Variants in SMC6 observed in about 807,000 individuals in gnomAD.
The protein encoded by SMC6 is structural maintenance of chromosomes 6.
In SMC6, 79 loss-of-function variants were observed where a neutral mutation model predicts 142.2. The observed-to-expected ratio is 0.56, with a 90% CI of 0.46 to 0.67. The LOEUF (loss-of-function observed/expected upper bound fraction) is 0.67. SMC6 is among the 30% of genes least tolerant of loss of function. The pLI is 0.00. For synonymous variants in SMC6, 411 were observed against 412.4 expected, an observed-to-expected ratio of 1.00 and a Z score of 0.04; for missense variants, 1,072 against 1,284.0, an observed-to-expected ratio of 0.83 and a Z score of 2.52.
intron 25 of SMC6, among the ~76,000 whole-genome samples, chr2:17,676,578 A>G (rs1456505252): frequency 6.6e-6 from 1 of 152,140 alleles, no homozygotes; most frequent in Non-Finnish European, 1.5e-5. Flanking sequence ...AATTTCTACA[A>G]AAACGTCTGC....
intron 23 of SMC6, among the ~76,000 whole-genome samples, chr2:17,685,624 C>T (rs958096824): frequency 4.6e-5 from 7 of 151,054 alleles, no homozygotes; most frequent in Admixed American, 4.6e-4. Context: ...CACAGATATA[C>T]AAAAATGGAC....
intron 9 of SMC6, among the ~76,000 whole-genome samples, chr2:17,721,536 T>A (rs1432106306): frequency 6.6e-6 from 1 of 152,076 alleles, no homozygotes; most frequent in Non-Finnish European, 1.5e-5. Flanking sequence ...TATAGAGAAA[T>A]CCCAAAACTC....
chr2:17,672,597 C>T (rs1338896927), intron 25 of SMC6, among the ~76,000 whole-genome samples: 1 of 152,160 alleles, frequency 6.6e-6, no homozygotes, highest in Non-Finnish European at 1.5e-5. Flanking sequence ...GAAAAGGTAA[C>T]TATTATTCTG....
At chr2:17,737,103 T>G (rs1446749190) in intron 5 of SMC6, among the ~76,000 whole-genome samples, 2 of 152,150 alleles carry the variant, frequency 1.3e-5, no homozygotes, top group African/African-American at 4.8e-5. Context: ...TCAAATAGTT[T>G]TTTCCCAAGG....
At position 17,666,305 on chromosome 2, in the gene SMC6, A is replaced by G. The variant is rs1666494134; in HGVS notation, c.3161+115T>C. 12 of 713,840 alleles carry G rather than the reference A, an allele frequency of 1.7e-5. No homozygotes were observed. In the South Asian group the frequency reaches 2.5e-4, roughly 15 times the overall value. 44.2% of individuals were successfully genotyped at this position (713,840 alleles called of 1,614,324 possible). On this transcript the variant is annotated intron_variant, in intron 27 of 27. Transcript: ENST00000448223. The stretch of plus-strand genomic sequence containing the variant: ...AATCTCCTGAACCAGTAGGGGAGCT[A>G]ATTTTTATTTTCATTGGTCTTGTAT...
At chr2:17,716,566 C>T (rs936894877) in intron 14 of SMC6, among the ~76,000 whole-genome samples, 175 bp downstream of exon 14, 1 of 152,162 alleles carries the variant, frequency 6.6e-6, no homozygotes. Context: ...GCTGTAGGTG[C>T]ACTGCCAATG....
intron 16 of SMC6, 138 bp downstream of exon 16, chr2:17,714,723 G>A (rs1668995548): frequency 4.7e-6 from 4 of 854,356 alleles, no homozygotes; most frequent in Non-Finnish European, 7.3e-6. Flanking sequence ...CTAATACCTA[G>A]ACAGAAATTA....
chr2:17,710,774 T>C (rs986587632), intron 16 of SMC6, among the ~76,000 whole-genome samples: 1 of 152,150 alleles, frequency 6.6e-6, no homozygotes. Flanking sequence ...AGAGCTGTTT[T>C]GGTATGTGGT....
rs769358063 is a variant in SMC6 at position 17,721,277 on chromosome 2, C to G, written c.727-16G>C. The G allele has an allele frequency of 6.4e-7, 1 of 1,557,754 alleles. No individual in the cohort carries two copies. Among genetic ancestry groups the G allele is most frequent in the East Asian group, 2.3e-5 (1 of 44,006 alleles). ...CAGTAAGCCGCTTAAAAAAAGAAAACAGAACGGACGTATTTTTTATTAATG... is the reference window on the plus strand; with the variant it reads ...CAGTAAGCCGCTTAAAAAAAGAAAAGAGAACGGACGTATTTTTTATTAATG... On this transcript the variant is annotated splice_polypyrimidine_tract_variant and intron_variant, in intron 9 of 27. Transcript: ENST00000448223.
intron 18 of SMC6, among the ~76,000 whole-genome samples, chr2:17,703,760 G>A (rs1258905182): frequency 6.6e-6 from 1 of 151,838 alleles, no homozygotes; most frequent in Non-Finnish European, 1.5e-5. Context: ...TAACTGTATT[G>A]TAAGAATATA....
chr2:17,665,649 G>A (rs1443650299), intron 27 of SMC6, 36 bp from the exon 28 acceptor site: 1 of 1,364,178 alleles, frequency 7.3e-7, no homozygotes, highest in African/African-American at 1.5e-5. Context: ...AAATTTCCAA[G>A]AAACCTTTTA....
chr2:17,700,473 T>C (rs1668215110), intron 20 of SMC6, 95 bp from the exon 21 acceptor site: 3 of 948,314 alleles, frequency 3.2e-6, no homozygotes, highest in Non-Finnish European at 4.6e-6. Context: ...GGAGAAACTA[T>C]AGGCTATATG....
At chr2:17,702,075 A>G (rs1439900056) in intron 19 of SMC6, among the ~76,000 whole-genome samples, 166 bp from the exon 20 acceptor site, 3 of 152,212 alleles carry the variant, frequency 2.0e-5, no homozygotes, top group African/African-American at 7.2e-5. Context: ...AATTACGTAT[A>G]AATTCTGCCA....
In SMC6 at chr2:17,703,210, T is replaced by G. The variant is rs765035959; in HGVS notation, c.2089A>C (p.Lys697Gln). 2 of 1,583,766 alleles carry G rather than the reference T, an allele frequency of 1.3e-6. No homozygotes were observed. Among genetic ancestry groups the G allele is most frequent in the Non-Finnish European group, 1.7e-6 (2 of 1,155,600 alleles). ...QHLSALEKDI[K>Q]HNEELLKRCQ... ...CTTTTAAGAAGTTCCTCATTGTGTTTAATATCTTTTTCAAGGGCAGATAAA... is the reference window on the plus strand; with the variant it reads ...CTTTTAAGAAGTTCCTCATTGTGTTGAATATCTTTTTCAAGGGCAGATAAA... The change falls in exon 19 of 28, where the codon AAA (lysine) becomes CAA (glutamine). Residue 697 changes from lysine to glutamine, a missense_variant. Physicochemically the swap from Lys to Gln is moderately conservative, Grantham distance 53. Around this residue, in one of 3 missense-constraint regions of SMC6, gnomAD observed 994 missense variants for 1,153.2 expected, o/e 0.86. Coordinates refer to ENST00000448223, the MANE Select transcript of SMC6 (RefSeq NM_001142286.2).
intron 19 of SMC6, 32 bp from the exon 20 acceptor site, chr2:17,701,941 T>TAA: frequency 8.4e-7 from 1 of 1,195,822 alleles, no homozygotes. Flanking sequence ...TTTAGTAACA[T>TAA]AAAAAAAAAT....
intron 24 of SMC6, chr2:17,679,633 C>A (rs1667151856): frequency 1.3e-5 from 2 of 152,132 alleles, no homozygotes; most frequent in South Asian, 4.1e-4. Flanking sequence ...ATTATTCACA[C>A]CATCTATTAC....
chr2:17,690,545 G>C (rs1029346648), intron 23 of SMC6, among the ~76,000 whole-genome samples: 1 of 151,962 alleles, frequency 6.6e-6, no homozygotes, highest in African/African-American at 2.4e-5. Flanking sequence ...AGTGAGCCAA[G>C]ATTGCACCAC....
chr2:17,713,706 T>A, intron 16 of SMC6: 1 of 315,394 alleles, frequency 3.2e-6, no homozygotes, highest in South Asian at 2.6e-5. Context: ...AATTAACAAA[T>A]TTTATTGATT....
At chr2:17,667,507 T>C (rs565236212) in intron 26 of SMC6, among the ~76,000 whole-genome samples, 4 of 152,288 alleles carry the variant, frequency 2.6e-5, no homozygotes, top group African/African-American at 9.6e-5. Flanking sequence ...TTCCTAAAAG[T>C]TGAAATCATT....
Sources: gnomAD v4.1 joint callset for allele counts (sites outside exome capture counted in the v4.1 genomes callset) on GRCh38, gnomAD v4.1.1 for gene constraint, gnomAD v4.1.1 regional missense constraint, MANE v1.5 for transcripts, NCBI Gene and HGNC (gene_info 2026-07-23, HGNC 2026-07-21) for gene names.